ISYNA1: variants seen among roughly 807,000 people sequenced by gnomAD.
ISYNA1 encodes MI-1-P synthase.
ISYNA1 carries 34 observed loss-of-function variants against 50.3 expected under a neutral mutation model. The ratio of observed to expected loss-of-function variants is 0.68; its 90% CI spans 0.51 to 0.90. The LOEUF (loss-of-function observed/expected upper bound fraction) is 0.90. Ranked by LOEUF, ISYNA1 falls within the 40% of genes least tolerant of loss-of-function variation. The pLI, the probability that ISYNA1 is intolerant of heterozygous loss-of-function variation, is 0.00. For synonymous variants in ISYNA1, 396 were observed against 349.9 expected (o/e 1.13, Z -1.47); for missense variants, 718 against 784.8 (o/e 0.91, Z 1.02).
At chr19:18,436,920 C>T (rs756055475) in intron 4 of ISYNA1, 43 bp from the exon 5 acceptor site, 40 of 1,596,206 alleles carry the variant, frequency 2.5e-5, no homozygotes, top group Non-Finnish European at 3.2e-5. Flanking sequence ...ATCCTGGGCC[C>T]CTCCAGACCC....
In ISYNA1 at chr19:18,436,748, T is replaced by C; in HGVS notation, c.545A>G (p.Glu182Gly). 1 of 1,572,500 alleles carries C rather than the reference T, an allele frequency of 6.4e-7. No individual in the cohort carries two copies. Among genetic ancestry groups the C allele is most frequent in the Non-Finnish European group, 8.6e-7 (1 of 1,162,502 alleles). Residue 182 changes from glutamate (E) to glycine (G), a missense_variant, in exon 5 of 11, where the codon GAA becomes GGA. Glu to Gly is a moderately conservative substitution (Grantham distance 98). Coordinates refer to ENST00000338128, the MANE Select transcript of ISYNA1 (RefSeq NM_016368.5). ...LRPRPSVYIP[E>G]FIAANQSARA... ...CGCGCTCTGGTTGGCCGCGATGAAT[T>C]CGGGGATGTAAACAGAAGGCCGGGG...
chr19:18,437,127 G>A (rs1356870212), intron 3 of ISYNA1, 22 bp from the exon 4 acceptor site: 2 of 1,550,412 alleles, frequency 1.3e-6, no homozygotes, highest in Non-Finnish European at 1.7e-6. Context: ...CAGACACGGC[G>A]AGGTGACGGG....
chr19:18,437,298 T>C, intron 3 of ISYNA1, 193 bp from the exon 4 acceptor site: 8 of 1,420,172 alleles, frequency 5.6e-6, no homozygotes, highest in Non-Finnish European at 7.3e-6. Context: ...GCTCCGCCCC[T>C]GTAAGACTCC....
At position 18,435,442 on chromosome 19, in the gene ISYNA1, C is replaced by T. The variant is rs1382234435; in HGVS notation, c.1296G>A (p.Leu432=). ...LAAPIMLDLA[L]LTELCQRVSF... ...TCACGCGCTGGCACAGCTCGGTCAG[C>T]AGCGCTAGGTCCAGCATGATGGGTG... Residue 432 remains leucine, a synonymous_variant, in exon 10 of 11, where the codon CTG becomes CTA. Coordinates refer to ENST00000338128, the MANE Select transcript of ISYNA1 (RefSeq NM_016368.5). 4 of 1,609,746 alleles carry T rather than the reference C, an allele frequency of 2.5e-6. No homozygotes were observed. The Admixed American group carries it at 5.0e-5, about 20-fold the overall frequency.
Position 18,436,018 on chromosome 19 carries a change from C to T in ISYNA1, c.975+14G>A, listed in dbSNP as rs1974001240. 3.1e-6 allele frequency: 5 copies of T among 1,613,224 alleles called. No homozygotes were observed. The East Asian group carries it at 8.9e-5, about 29-fold the overall frequency. On this transcript the variant is annotated intron_variant, in intron 7 of 10. Coordinates refer to ENST00000338128, the MANE Select transcript of ISYNA1 (RefSeq NM_016368.5). ...CCCCCTTCCTGCACTCGGCAGCTCC[C>T]TAGGCCCACGCACCTTGAGGCCGGA...
At chr19:18,437,516 G>T in intron 3 of ISYNA1, 83 bp downstream of exon 3, 1 of 683,654 alleles carries the variant, frequency 1.5e-6, no homozygotes, top group Non-Finnish European at 1.9e-6. Flanking sequence ...GTCCCGCAGA[G>T]CCCCGCCCCC....
Position 18,435,905 on chromosome 19 carries a change from C to T in ISYNA1, c.992G>A (p.Ser331Asn). The T allele has an allele frequency of 2.5e-6, 4 of 1,614,010 alleles. No homozygotes were observed. The highest frequency in any genetic ancestry group is 3.4e-6 in the Non-Finnish European group (4 of 1,179,960). The stretch of plus-strand genomic sequence containing the variant: ...ATCGTTGTTGCCCAGGTGGTTGTAA[C>T]TCACGATGGACATGGTCTGTGGGTA... ...GSGLKTMSIV[S>N]YNHLGNNDGE... is the part of the protein sequence containing the mutation. The change falls in exon 8 of 11, where the codon AGT (serine) becomes AAT (asparagine). Residue 331 changes from serine to asparagine, a missense_variant. Transcript: ENST00000338128.
chr19:18,437,551 A>G, intron 3 of ISYNA1, 48 bp downstream of exon 3: 8 of 1,098,042 alleles, frequency 7.3e-6, no homozygotes, highest in Non-Finnish European at 6.7e-6. Flanking sequence ...CCCGCCCGCA[A>G]GGACTCCCAC....
intron 3 of ISYNA1, chr19:18,437,390 CCA>C (rs1388404205): frequency 8.1e-7 from 1 of 1,235,930 alleles, no homozygotes; most frequent in Non-Finnish European, 1.1e-6. Flanking sequence ...CCCTCCCGCC[CCA>C]CAGAGCTTCG....
chr19:18,435,454 C>G lies in ISYNA1; in HGVS notation c.1284G>C (p.Leu428=). 6.2e-7 allele frequency: 1 copy of G among 1,609,584 alleles called. No homozygotes were observed. Among genetic ancestry groups the G allele is most frequent in the South Asian group, 1.1e-5 (1 of 91,080 alleles). ...EDSLLAAPIM[L]DLALLTELCQ... ...ACAGCTCGGTCAGCAGCGCTAGGTC[C>G]AGCATGATGGGTGCGGCCAGCAGCG... The change falls in exon 10 of 11, where the codon CTG becomes CTC. Residue 428 remains leucine, a synonymous_variant. Transcript: ENST00000338128.
rs1973863234 is a variant in ISYNA1, at chr19:18,434,581, C to T, written c.*332G>A. 1 of 524,694 alleles carries T rather than the reference C, an allele frequency of 1.9e-6. No homozygotes were observed. Among genetic ancestry groups the T allele is most frequent in the Admixed American group, 3.6e-5 (1 of 27,548 alleles). 32.5% of individuals were successfully genotyped at this position (524,694 alleles called of 1,614,324 possible). A position where few individuals can be genotyped will look rare whatever the true frequency, so the allele number is the denominator to read the frequency against. On this transcript the variant is annotated 3_prime_UTR_variant, in exon 11 of 11. Transcript: ENST00000338128. ...TTTGGTAGCTTGTCTCAGATTCCCT[C>T]TTTGGCCTTCTGCCACCACACTCTC...
Position 18,436,025 on chromosome 19 carries a change from C to T in ISYNA1, c.975+7G>A. 6.2e-7 allele frequency: 1 copy of T among 1,613,364 alleles called. No individual in the cohort carries two copies. Among genetic ancestry groups the T allele is most frequent in the Non-Finnish European group, 8.5e-7 (1 of 1,179,908 alleles). ...CCTGCACTCGGCAGCTCCCTAGGCC[C>T]ACGCACCTTGAGGCCGGAGCCAATG... On this transcript the variant is annotated splice_region_variant and intron_variant, in intron 7 of 10. Transcript: ENST00000338128.
In ISYNA1 at chr19:18,434,775, G is replaced by A. The variant is rs972990596; in HGVS notation, c.*138C>T. On this transcript the variant is annotated 3_prime_UTR_variant, in exon 11 of 11. Coordinates refer to ENST00000338128, the MANE Select transcript of ISYNA1 (RefSeq NM_016368.5). The stretch of plus-strand genomic sequence containing the variant: ...TCAAGAGTCGGGGAAGTAGAGGGAG[G>A]CAGAGTCAGGTCACAGGCCCCAAGA... 7.0e-6 allele frequency: 5 copies of A among 715,290 alleles called. No individual in the cohort carries two copies. The highest frequency in any genetic ancestry group is 1.2e-5 in the Non-Finnish European group (5 of 419,136). 44.3% of individuals were successfully genotyped at this position (715,290 alleles called of 1,614,324 possible).
intron 4 of ISYNA1, 30 bp downstream of exon 4, chr19:18,436,943 C>T: frequency 1.2e-6 from 2 of 1,603,364 alleles, no homozygotes; most frequent in Non-Finnish European, 1.7e-6. Flanking sequence ...TCTCCCATCC[C>T]GCCCCACCCC....
Position 18,438,120 on chromosome 19 carries a change from G to A in ISYNA1, c.-37C>T. The stretch of plus-strand genomic sequence containing the variant: ...GCGCAGAGTCGACTCAGGCAGCGGC[G>A]GCGGACAGCGCGGGCTCTCGGGCGC... On this transcript the variant is annotated 5_prime_UTR_variant, in exon 1 of 11. Coordinates refer to ENST00000338128, the MANE Select transcript of ISYNA1 (RefSeq NM_016368.5). 2.2e-6 allele frequency: 2 copies of A among 928,926 alleles called. No individual in the cohort carries two copies. Among genetic ancestry groups the A allele is most frequent in the Non-Finnish European group, 3.0e-6 (2 of 669,120 alleles). The allele number at this position is 928,926 out of a possible 1,614,324, so 57.5% of individuals were successfully genotyped here. A position where few individuals can be genotyped will look rare whatever the true frequency, so the allele number is the denominator to read the frequency against.
chr19:18,434,866 T>G lies in ISYNA1; in HGVS notation c.*47A>C. 6.6e-7 allele frequency: 1 copy of G among 1,525,314 alleles called. No individual in the cohort carries two copies. Among genetic ancestry groups the G allele is most frequent in the Non-Finnish European group, 9.1e-7 (1 of 1,104,312 alleles). The allele number at this position is 1,525,314 out of a possible 1,614,324, so 94.5% of individuals were successfully genotyped here. ...TGTGGGGGCCTTCAAGGTAGGGTCG[T>G]GGGGGGCAGCGGGGAGGAAGAGCCG... On this transcript the variant is annotated 3_prime_UTR_variant, in exon 11 of 11. Transcript: ENST00000338128.
intron 7 of ISYNA1, 24 bp downstream of exon 7, chr19:18,436,008 C>T (rs777246814): frequency 1.9e-6 from 3 of 1,612,896 alleles, no homozygotes; most frequent in Admixed American, 1.7e-5. Context: ...TTCCTGCACT[C>T]GGCAGCTCCC....
At chr19:18,437,823 TC>T in intron 2 of ISYNA1, 36 bp downstream of exon 2, 1 of 1,608,478 alleles carries the variant, frequency 6.2e-7, no homozygotes. Context: ...CGCCCCGCTC[TC>T]CCCAGCACGC....
Position 18,437,662 on chromosome 19 carries a change from T to A in ISYNA1, c.219A>T (p.Thr73=), listed in dbSNP as rs1156890775. 1.9e-6 allele frequency: 3 copies of A among 1,541,350 alleles called. No homozygotes were observed. The highest frequency in any genetic ancestry group is 2.4e-5 in the East Asian group (1 of 40,984). ...GATTGGCCAGCACCGCGGCGGTGAG[T>A]GTGGAGCCGTTGTTCCCGCCCCAGC... ...LVGWGGNNGS[T]LTAAVLANRL... is the part of the protein sequence containing the mutation. The change falls in exon 3 of 11, where the codon ACA becomes ACT. Residue 73 remains threonine (T), a synonymous_variant. Transcript: ENST00000338128.
Sources: allele counts gnomAD v4.1 joint callset, GRCh38; gene constraint gnomAD v4.1.1; transcripts MANE v1.5; gene names NCBI Gene and HGNC (gene_info 2026-07-23, HGNC 2026-07-21).